Variants in CCN3 observed in about 807,000 individuals in gnomAD.
The protein encoded by CCN3 is CCN family member 3.
A neutral mutation model predicts 33.4 loss-of-function variants in CCN3; 20 were observed. The ratio of observed to expected loss-of-function variants is 0.60; its 90% CI spans 0.42 to 0.87. The LOEUF (loss-of-function observed/expected upper bound fraction) is 0.87. CCN3 is among the 40% of genes least tolerant of loss of function. CCN3 has a pLI of 0.00. For synonymous variants in CCN3, 205 were observed against 170.4 expected, an observed-to-expected ratio of 1.20 and a Z score of -1.58; for missense variants, 465 against 455.3, an observed-to-expected ratio of 1.02 and a Z score of -0.19.
In CCN3 at chr8:119,422,956, T is replaced by C; in HGVS notation, c.898T>C (p.Cys300Arg). The change falls in exon 5 of 5, where the codon TGC becomes CGC. Residue 300 changes from cysteine to arginine, a missense_variant. Physicochemically the swap from Cys to Arg is radical, Grantham distance 180. Coordinates refer to ENST00000259526, the MANE Select transcript of CCN3 (RefSeq NM_002514.4). ...RFCGVCSDGR[C>R]CTPHNTKTIQ... Reference sequence around the variant, plus strand: ...CTGTGGGGTCTGCAGTGATGGCCGCTGCTGCACTCCCCACAATACCAAAAC... The same window carrying C: ...CTGTGGGGTCTGCAGTGATGGCCGCCGCTGCACTCCCCACAATACCAAAAC... The C allele has an allele frequency of 6.2e-7, 1 of 1,614,182 alleles. No homozygotes were observed. Among genetic ancestry groups the C allele is most frequent in the Non-Finnish European group, 8.5e-7 (1 of 1,180,032 alleles).
At chr8:119,420,564 C>T (rs981431816) in intron 4 of CCN3, among the ~76,000 whole-genome samples, 4 of 152,070 alleles carry the variant, frequency 2.6e-5, no homozygotes, top group African/African-American at 9.7e-5. Flanking sequence ...AAATTATATC[C>T]TAGGAGATGC....
rs985602319 is a variant in CCN3, at chr8:119,416,919, T to G, written c.260T>G (p.Leu87Arg). 1 of 1,613,878 alleles carries G rather than the reference T, an allele frequency of 6.2e-7. No individual in the cohort carries two copies. Among genetic ancestry groups the G allele is most frequent in the Non-Finnish European group, 8.5e-7 (1 of 1,179,884 alleles). The change falls in exon 2 of 5, where the codon CTC (leucine) becomes CGC (arginine). Residue 87 changes from leucine (L) to arginine (R), a missense_variant. Physicochemically the swap from Leu to Arg is moderately radical, Grantham distance 102. Coordinates refer to ENST00000259526, the MANE Select transcript of CCN3 (RefSeq NM_002514.4). ...GAGCCATGCGACGAGAGCAGTGGCC[T>G]CTACTGTGATCGCAGCGCGGACCCC... ...DLEPCDESSG[L>R]YCDRSADPSN...
At chr8:119,422,657 G>A (rs537669883) in intron 4 of CCN3, among the ~76,000 whole-genome samples, 179 bp from the exon 5 acceptor site, 1 of 152,272 alleles carries the variant, frequency 6.6e-6, no homozygotes, top group East Asian at 1.9e-4. Flanking sequence ...GTCCCACATA[G>A]TCTGTGGAAG....
chr8:119,418,348 G>A, intron 3 of CCN3, 39 bp downstream of exon 3: 1 of 1,591,450 alleles, frequency 6.3e-7, no homozygotes, highest in South Asian at 1.1e-5. Flanking sequence ...TCATAGTAGA[G>A]GGTAAATACA....
At position 119,423,173 on chromosome 8, in the gene CCN3, GC is replaced by G; in HGVS notation, c.*42del. 1 of 1,539,192 alleles carries G rather than the reference GC, an allele frequency of 6.5e-7. No homozygotes were observed. Among genetic ancestry groups the G allele is most frequent in the Non-Finnish European group, 8.9e-7 (1 of 1,127,624 alleles). On this transcript the variant is annotated 3_prime_UTR_variant, in exon 5 of 5. Transcript: ENST00000259526. ...GCACACCTACAGAGCACCTGTAGCT[GC>G]TGCGCCACCCACCATCAAAGGAATA... is the stretch of plus-strand genomic sequence containing the variant.
chr8:119,417,334 TCA>T (rs1317483618), intron 2 of CCN3, among the ~76,000 whole-genome samples: 3 of 152,154 alleles, frequency 2.0e-5, no homozygotes, highest in African/African-American at 4.8e-5. Context: ...ACTCACACGC[TCA>T]CAGTTTCCCA....
chr8:119,416,660 C>CCAAGTTA, intron 1 of CCN3, 44 bp downstream of exon 1: 1 of 1,597,908 alleles, frequency 6.3e-7, no homozygotes, highest in Non-Finnish European at 8.6e-7. Context: ...ACTTTGCCCG[C>CCAAGTTA]CTTGGTGGCC....
At chr8:119,422,270 G>C (rs559763063) in intron 4 of CCN3, among the ~76,000 whole-genome samples, 19 of 152,174 alleles carry the variant, frequency 1.2e-4, no homozygotes, top group African/African-American at 3.6e-4. Flanking sequence ...ACTATCACGA[G>C]AACAGCAAGG....
intron 3 of CCN3, 114 bp downstream of exon 3, chr8:119,418,423 A>C: frequency 1.4e-6 from 2 of 1,382,744 alleles, no homozygotes; most frequent in African/African-American, 1.4e-5. Context: ...CTGGTCATTC[A>C]GTTGTGGGTT....
chr8:119,421,830 A>T (rs1820126956), intron 4 of CCN3, among the ~76,000 whole-genome samples: 1 of 152,150 alleles, frequency 6.6e-6, no homozygotes, highest in Non-Finnish European at 1.5e-5. Flanking sequence ...CAGTTTCTTC[A>T]TCTGTAAAAC....
rs2130451185 is a variant in CCN3 at position 119,416,837 on chromosome 8, G to C, written c.178G>C (p.Gly60Arg). Reference protein sequence around the residue: ...CAPGVRAVLDGCSCCLVCARQ... With the variant: ...CAPGVRAVLDRCSCCLVCARQ... ...CCCCGGGGTGCGCGCGGTGCTGGACGGCTGCTCATGCTGTCTGGTGTGTGC... is the reference window on the plus strand; with the variant it reads ...CCCCGGGGTGCGCGCGGTGCTGGACCGCTGCTCATGCTGTCTGGTGTGTGC... The change falls in exon 2 of 5, where the codon GGC (glycine) becomes CGC (arginine). Residue 60 changes from glycine (G) to arginine (R), a missense_variant. Gly to Arg is a moderately radical substitution (Grantham distance 125). Coordinates refer to ENST00000259526, the MANE Select transcript of CCN3 (RefSeq NM_002514.4). 1 of 1,612,224 alleles carries C rather than the reference G, an allele frequency of 6.2e-7. No individual in the cohort carries two copies. The highest frequency in any genetic ancestry group is 1.7e-5 in the Admixed American group (1 of 59,904).
chr8:119,420,371 A>G (rs1820106806), intron 4 of CCN3, among the ~76,000 whole-genome samples: 1 of 152,216 alleles, frequency 6.6e-6, no homozygotes, highest in Non-Finnish European at 1.5e-5. Context: ...TGCTGGGTAT[A>G]GATTAAGTAC....
In CCN3 at chr8:119,418,160, T is replaced by C. The variant is rs760946425; in HGVS notation, c.413T>C (p.Ile138Thr). The change falls in exon 3 of 5, where the codon ATT becomes ACT. Residue 138 changes from isoleucine to threonine, a missense_variant. Transcript: ENST00000259526. ...CAGTGCACCTGCAGAGATGGGCAGA[T>C]TGGCTGTGTGCCCCGCTGTCAGCTG... ...KFQCTCRDGQ[I>T]GCVPRCQLDV... The C allele has an allele frequency of 1.9e-6, 3 of 1,614,130 alleles. No individual in the cohort carries two copies. The South Asian group carries it at 3.3e-5, about 18-fold the overall frequency.
intron 4 of CCN3, among the ~76,000 whole-genome samples, chr8:119,419,685 G>A (rs1275848224): frequency 2.6e-5 from 4 of 152,224 alleles, no homozygotes; most frequent in Non-Finnish European, 4.4e-5. Flanking sequence ...ATTCTAAAGA[G>A]GTCACTTCTG....
chr8:119,420,261 T>G (rs559835124), intron 4 of CCN3, among the ~76,000 whole-genome samples: 1 of 152,316 alleles, frequency 6.6e-6, no homozygotes, highest in East Asian at 1.9e-4. Context: ...TGGGCAATTT[T>G]CTTAACCTCT....
rs369784987 is a variant in CCN3 at position 119,416,903 on chromosome 8, G to A, written c.244G>A (p.Asp82Asn). 31 of 1,613,876 alleles carry A rather than the reference G, an allele frequency of 1.9e-5. No homozygotes were observed. The Admixed American group carries it at 4.2e-4, about 22-fold the overall frequency. ...GAGCTGCTCAGATCTGGAGCCATGCGACGAGAGCAGTGGCCTCTACTGTGA... is the reference window on the plus strand; with the variant it reads ...GAGCTGCTCAGATCTGGAGCCATGCAACGAGAGCAGTGGCCTCTACTGTGA... ...GESCSDLEPC[D>N]ESSGLYCDRS... Residue 82 changes from aspartate to asparagine, a missense_variant, in exon 2 of 5, where the codon GAC becomes AAC. Coordinates refer to ENST00000259526, the MANE Select transcript of CCN3 (RefSeq NM_002514.4).
Position 119,423,120 on chromosome 8 carries a change from A to G in CCN3, c.1062A>G (p.Arg354=), listed in dbSNP as rs1820151163. Residue 354 remains arginine, a synonymous_variant, in exon 5 of 5, where the codon AGA becomes AGG. Transcript: ENST00000259526. ...FLQELELKTT[R]GKM ...AGGAGCTGGAGCTGAAGACTACCAG[A>G]GGGAAAATGTAACCTGTCACTCAAG... The G allele has an allele frequency of 1.2e-6, 2 of 1,612,644 alleles. No individual in the cohort carries two copies. The highest frequency in any genetic ancestry group is 2.2e-5 in the East Asian group (1 of 44,870).
In CCN3 at chr8:119,416,446, A is replaced by C. The variant is rs970337377; in HGVS notation, c.-87A>C. ...AAAACCTGTGCTGGGCGTGATCGGC[A>C]AGCACCGGACCAGGGGGAAGGCGAG... On this transcript the variant is annotated 5_prime_UTR_variant, in exon 1 of 5. Transcript: ENST00000259526. 1 of 1,317,458 alleles carries C rather than the reference A, an allele frequency of 7.6e-7. No homozygotes were observed. Among genetic ancestry groups the C allele is most frequent in the African/African-American group, 1.4e-5 (1 of 69,528 alleles). 81.6% of individuals were successfully genotyped at this position (1,317,458 alleles called of 1,614,324 possible).
chr8:119,419,126 C>T lies in CCN3; in HGVS notation c.563-5C>T. On this transcript the variant is annotated splice_polypyrimidine_tract_variant and splice_region_variant and intron_variant, in intron 3 of 4. Transcript: ENST00000259526. ...TATGGCTGTCTTTATTTATACATCC[C>T]ATAGCTTACAGGCCAGAAGCCACCC... is the stretch of plus-strand genomic sequence containing the variant. 1.2e-6 allele frequency: 2 copies of T among 1,611,504 alleles called. No homozygotes were observed. Among genetic ancestry groups the T allele is most frequent in the Non-Finnish European group, 1.7e-6 (2 of 1,177,728 alleles).
Sources: allele counts gnomAD v4.1 joint callset (sites outside exome capture counted in the v4.1 genomes callset), GRCh38; gene constraint gnomAD v4.1.1; transcripts MANE v1.5; gene names NCBI Gene and HGNC (gene_info 2026-07-23, HGNC 2026-07-21).